HSPB6: variants seen among roughly 807,000 people sequenced by gnomAD.
The protein encoded by HSPB6 is heat shock protein beta-6.
Under a neutral mutation model 10.7 loss-of-function variants are expected in HSPB6, and 8 were observed. That is an observed-to-expected ratio of 0.75 (90% CI 0.44 to 1.35). The LOEUF is 1.35. HSPB6 is among the 40% of genes most tolerant of loss of function. The probability of loss-of-function intolerance (pLI) is 0.00; values close to 1 mark genes in which losing one functional copy is unlikely to be tolerated. For synonymous variants in HSPB6, 128 were observed against 114.2 expected (o/e 1.12, Z -0.77); for missense variants, 232 against 236.0 (o/e 0.98, Z 0.11).
At position 35,756,901 on chromosome 19, in the gene HSPB6, C is replaced by G; in HGVS notation, c.108G>C (p.Gly36=). The change falls in exon 1 of 3, where the codon GGG becomes GGC. Residue 36 remains glycine, a synonymous_variant. Coordinates refer to ENST00000004982, the MANE Select transcript of HSPB6 (RefSeq NM_144617.3). ...GRLFDQRFGE[G]LLEAELAALC... Reference sequence around the variant, plus strand: ...GCGCAGCCAGCTCGGCCTCCAGCAGCCCCTCGCCGAAGCGCTGGTCAAAGA... The same window carrying G: ...GCGCAGCCAGCTCGGCCTCCAGCAGGCCCTCGCCGAAGCGCTGGTCAAAGA... The G allele has an allele frequency of 1.9e-6, 3 of 1,539,232 alleles. No individual in the cohort carries two copies. Among genetic ancestry groups the G allele is most frequent in the Non-Finnish European group, 2.6e-6 (3 of 1,145,968 alleles).
At position 35,755,603 on chromosome 19, in the gene HSPB6, G is replaced by T. The variant is rs763290046; in HGVS notation, c.402C>A (p.Ser134=). ...PPGVDPAAVT[S]ALSPEGVLSI... ...ACAGGACGCCCTCGGGGGACAGCGC[G>T]GACGTCACGGCAGCCGGATCCACGC... Residue 134 remains serine (S), a synonymous_variant, in exon 3 of 3, where the codon TCC becomes TCA. Transcript: ENST00000004982. The T allele has an allele frequency of 2.6e-6, 4 of 1,533,050 alleles. No individual in the cohort carries two copies. Among genetic ancestry groups the T allele is most frequent in the Non-Finnish European group, 2.6e-6 (3 of 1,144,716 alleles). The allele number at this position is 1,533,050 out of a possible 1,614,324, so 95.0% of individuals were successfully genotyped here. A position where few individuals can be genotyped will look rare whatever the true frequency, so the allele number is the denominator to read the frequency against.
rs750533067 is a variant in HSPB6, at chr19:35,755,839, G to C, written c.254C>G (p.Pro85Arg). ...SVLLDVKHFS[P>R]EEIAVKVVGE... ...CACCACCTTGACAGCAATTTCCTCC[G>C]GCGAGAAGTGCTTCACGTCTAGCAG... The change falls in exon 2 of 3, where the codon CCG becomes CGG. Residue 85 changes from proline to arginine, a missense_variant. Pro to Arg is a moderately radical substitution (Grantham distance 103). Coordinates refer to ENST00000004982, the MANE Select transcript of HSPB6 (RefSeq NM_144617.3). 2.5e-6 allele frequency: 4 copies of C among 1,593,810 alleles called. No individual in the cohort carries two copies. The highest frequency in any genetic ancestry group is 3.4e-6 in the Non-Finnish European group (4 of 1,171,364).
At position 35,754,610 on chromosome 19, in the gene HSPB6, A is replaced by G; in HGVS notation, c.*912T>C. The G allele has an allele frequency of 1.3e-6, 1 of 793,152 alleles. No individual in the cohort carries two copies. The highest frequency in any genetic ancestry group is 2.1e-6 in the Non-Finnish European group (1 of 476,436). 49.1% of individuals were successfully genotyped at this position (793,152 alleles called of 1,614,324 possible). On this transcript the variant is annotated 3_prime_UTR_variant, in exon 3 of 3. Transcript: ENST00000004982. ...TTTATTGGGAGAGTAAGCCTGGGAA[A>G]GACTAAGGGAGTGGTGGCAGGGAGA...
Position 35,755,526 on chromosome 19 carries a change from T to C in HSPB6, c.479A>G (p.Lys160Arg). 4 of 1,267,674 alleles carry C rather than the reference T, an allele frequency of 3.2e-6. No homozygotes were observed. The highest frequency in any genetic ancestry group is 1.6e-5 in the African/African-American group (1 of 63,772). 78.5% of individuals were successfully genotyped at this position (1,267,674 alleles called of 1,614,324 possible). Residue 160 changes from lysine (K) to arginine (R), a missense_variant, in exon 3 of 3, where the codon AAG (lysine) becomes AGG (arginine). Coordinates refer to ENST00000004982, the MANE Select transcript of HSPB6 (RefSeq NM_144617.3). ...CGGGCGCGGCCCAGCCCCCTCCTAC[T>C]TGGCTGCGGCTGGCGGTGGGGCCTG... ...SAQAPPPAAA[K>R]
In HSPB6 at chr19:35,755,604, G is replaced by A. The variant is rs1970742663; in HGVS notation, c.401C>T (p.Ser134Phe). The A allele has an allele frequency of 6.5e-7, 1 of 1,533,408 alleles. No individual in the cohort carries two copies. Among genetic ancestry groups the A allele is most frequent in the African/African-American group, 1.4e-5 (1 of 72,346 alleles). 95.0% of individuals were successfully genotyped at this position (1,533,408 alleles called of 1,614,324 possible). The change falls in exon 3 of 3, where the codon TCC becomes TTC. Residue 134 changes from serine to phenylalanine, a missense_variant. By Grantham distance (155) the Ser-to-Phe change is radical. Coordinates refer to ENST00000004982, the MANE Select transcript of HSPB6 (RefSeq NM_144617.3). ...CAGGACGCCCTCGGGGGACAGCGCG[G>A]ACGTCACGGCAGCCGGATCCACGCC... ...PPGVDPAAVTSALSPEGVLSI... is the reference protein window; with the variant it reads ...PPGVDPAAVTFALSPEGVLSI...
chr19:35,756,693 T>C, intron 1 of HSPB6, 118 bp downstream of exon 1: 1 of 1,032,612 alleles, frequency 9.7e-7, no homozygotes, highest in Non-Finnish European at 1.4e-6. Flanking sequence ...CCTTCGGAGC[T>C]GCGGACTCTC....
At position 35,755,883 on chromosome 19, in the gene HSPB6, G is replaced by C; in HGVS notation, c.210C>G (p.Asp70Glu). 6.4e-7 allele frequency: 1 copy of C among 1,570,014 alleles called. No individual in the cohort carries two copies. The highest frequency in any genetic ancestry group is 8.6e-7 in the Non-Finnish European group (1 of 1,159,054). Residue 70 changes from aspartate (D) to glutamate (E), a missense_variant, in exon 2 of 3, where the codon GAC (aspartate) becomes GAG (glutamate). Physicochemically the swap from Asp to Glu is conservative, Grantham distance 45. Coordinates refer to ENST00000004982, the MANE Select transcript of HSPB6 (RefSeq NM_144617.3). ...CTAGCAGCACCGAAAAGTGGCCGGG[G>C]TCCGTCGGCACCTGAGCGCAGCGGG... The part of the protein sequence containing the change: ...VALPVAQVPT[D>E]PGHFSVLLDV...
intron 2 of HSPB6, 22 bp downstream of exon 2, chr19:35,755,750 C>T: frequency 1.3e-6 from 2 of 1,557,882 alleles, no homozygotes; most frequent in Non-Finnish European, 1.7e-6. Context: ...CCGCTCCAGC[C>T]CCGCCCCACG....
Position 35,755,467 on chromosome 19 carries a change from T to G in HSPB6, c.*55A>C. 2 of 1,502,264 alleles carry G rather than the reference T, an allele frequency of 1.3e-6. No homozygotes were observed. The highest frequency in any genetic ancestry group is 1.8e-6 in the Non-Finnish European group (2 of 1,120,530). 93.1% of individuals were successfully genotyped at this position (1,502,264 alleles called of 1,614,324 possible). ...CTGGCTGGGCGGAGTCAGATCGGCTTTAATAGAGGGAGCCTGAGGAGGCTC... is the reference window on the plus strand; with the variant it reads ...CTGGCTGGGCGGAGTCAGATCGGCTGTAATAGAGGGAGCCTGAGGAGGCTC... On this transcript the variant is annotated 3_prime_UTR_variant, in exon 3 of 3. Coordinates refer to ENST00000004982, the MANE Select transcript of HSPB6 (RefSeq NM_144617.3).
In HSPB6 at chr19:35,755,611, C is replaced by T. The variant is rs1190912894; in HGVS notation, c.394G>A (p.Val132Met). 2.0e-6 allele frequency: 3 copies of T among 1,533,126 alleles called. No homozygotes were observed. The highest frequency in any genetic ancestry group is 2.6e-6 in the Non-Finnish European group (3 of 1,144,756). The allele number at this position is 1,533,126 out of a possible 1,614,324, so 95.0% of individuals were successfully genotyped here. Reference protein sequence around the residue: ...RLPPGVDPAAVTSALSPEGVL... With the variant: ...RLPPGVDPAAMTSALSPEGVL... ...CCCTCGGGGGACAGCGCGGACGTCACGGCAGCCGGATCCACGCCAGGCGGC... is the reference window on the plus strand; with the variant it reads ...CCCTCGGGGGACAGCGCGGACGTCATGGCAGCCGGATCCACGCCAGGCGGC... Residue 132 changes from valine to methionine, a missense_variant, in exon 3 of 3, where the codon GTG becomes ATG. Val to Met is a conservative substitution (Grantham distance 21). Coordinates refer to ENST00000004982, the MANE Select transcript of HSPB6 (RefSeq NM_144617.3).
Position 35,755,509 on chromosome 19 carries a change from GCCCA to G in HSPB6, c.*9_*12del. Reference sequence around the variant, plus strand: ...AGGAGGCTCCCGGGGTGCGGGCGCGGCCCAGCCCCCTCCTACTTGGCTGCGGCTG... The same window carrying G: ...AGGAGGCTCCCGGGGTGCGGGCGCGGGCCCCCTCCTACTTGGCTGCGGCTG... On this transcript the variant is annotated 3_prime_UTR_variant, in exon 3 of 3. Coordinates refer to ENST00000004982, the MANE Select transcript of HSPB6 (RefSeq NM_144617.3). The G allele has an allele frequency of 6.6e-7, 1 of 1,507,734 alleles. No homozygotes were observed. Among genetic ancestry groups the G allele is most frequent in the Non-Finnish European group, 8.8e-7 (1 of 1,131,400 alleles). 93.4% of individuals were successfully genotyped at this position (1,507,734 alleles called of 1,614,324 possible). A position where few individuals can be genotyped will look rare whatever the true frequency, so the allele number is the denominator to read the frequency against.
At position 35,755,652 on chromosome 19, in the gene HSPB6, T is replaced by G. The variant is rs766960430; in HGVS notation, c.353A>C (p.His118Pro). The change falls in exon 3 of 3, where the codon CAC becomes CCC. Residue 118 changes from histidine to proline, a missense_variant. Coordinates refer to ENST00000004982, the MANE Select transcript of HSPB6 (RefSeq NM_144617.3). The part of the protein sequence containing the change: ...DEHGFVAREF[H>P]RRYRLPPGVD... Reference sequence around the variant, plus strand: ...GCCAGGCGGCAGGCGGTAGCGACGGTGGAACTCGCGCGCGACGAATCCGTG... The same window carrying G: ...GCCAGGCGGCAGGCGGTAGCGACGGGGGAACTCGCGCGCGACGAATCCGTG... 6.5e-7 allele frequency: 1 copy of G among 1,534,004 alleles called. No individual in the cohort carries two copies. The highest frequency in any genetic ancestry group is 1.2e-5 in the South Asian group (1 of 83,240).
Position 35,756,921 on chromosome 19 carries a change from CA to C in HSPB6, c.87del (p.Phe29LeufsTer50). On this transcript the variant is annotated frameshift_variant, in exon 1 of 3. Transcript: ENST00000004982. LOFTEE classifies it high-confidence loss of function. ...LPGLSAPGRL[F>X]DQRFGEGLLE... ...AGCAGCCCCTCGCCGAAGCGCTGGT[CA>C]AAGAGGCGTCCGGGCGCCGAAAGTC... 6.5e-7 allele frequency: 1 copy of C among 1,541,730 alleles called. No homozygotes were observed. The highest frequency in any genetic ancestry group is 2.1e-4 in the Middle Eastern group (1 of 4,796).
Position 35,754,740 on chromosome 19 carries a change from C to G in HSPB6, c.*782G>C. 2.0e-6 allele frequency: 1 copy of G among 500,514 alleles called. No individual in the cohort carries two copies. Among genetic ancestry groups the G allele is most frequent in the Non-Finnish European group, 3.6e-6 (1 of 281,148 alleles). 31.0% of individuals were successfully genotyped at this position (500,514 alleles called of 1,614,324 possible). On this transcript the variant is annotated 3_prime_UTR_variant, in exon 3 of 3. Coordinates refer to ENST00000004982, the MANE Select transcript of HSPB6 (RefSeq NM_144617.3). Reference sequence around the variant, plus strand: ...GATATCTGGTTGAAGACTTGGGGGTCAAGACAAAGGGACTTAGGGGGATGG... The same window carrying G: ...GATATCTGGTTGAAGACTTGGGGGTGAAGACAAAGGGACTTAGGGGGATGG...
Position 35,756,862 on chromosome 19 carries a change from C to T in HSPB6, c.147G>A (p.Thr49=), listed in dbSNP as rs1370409291. The change falls in exon 1 of 3, where the codon ACG becomes ACA. Residue 49 remains threonine (T), a synonymous_variant. Transcript: ENST00000004982. The stretch of plus-strand genomic sequence containing the variant: ...GTGCGCGCAGGTAGTAGGGGGCGAG[C>T]GTGGTGGGGCAGAGCGCAGCCAGCT... ...EAELAALCPT[T]LAPYYLRAPS... 2 of 1,537,316 alleles carry T rather than the reference C, an allele frequency of 1.3e-6. No individual in the cohort carries two copies. Among genetic ancestry groups the T allele is most frequent in the Admixed American group, 2.0e-5 (1 of 50,912 alleles).
At position 35,754,761 on chromosome 19, in the gene HSPB6, G is replaced by T; in HGVS notation, c.*761C>A. The T allele has an allele frequency of 2.0e-6, 1 of 502,716 alleles. No homozygotes were observed. Among genetic ancestry groups the T allele is most frequent in the Non-Finnish European group, 3.6e-6 (1 of 275,910 alleles). The allele number at this position is 502,716 out of a possible 1,614,324, so 31.1% of individuals were successfully genotyped here. A position where few individuals can be genotyped will look rare whatever the true frequency, so the allele number is the denominator to read the frequency against. On this transcript the variant is annotated 3_prime_UTR_variant, in exon 3 of 3. Coordinates refer to ENST00000004982, the MANE Select transcript of HSPB6 (RefSeq NM_144617.3). Reference sequence around the variant, plus strand: ...GGGTCAAGACAAAGGGACTTAGGGGGATGGGGTCTGGTTAGAGTTGGGGAG... The same window carrying T: ...GGGTCAAGACAAAGGGACTTAGGGGTATGGGGTCTGGTTAGAGTTGGGGAG...
At position 35,755,485 on chromosome 19, in the gene HSPB6, G is replaced by A; in HGVS notation, c.*37C>T. ...ATCGGCTTTAATAGAGGGAGCCTGA[G>A]GAGGCTCCCGGGGTGCGGGCGCGGC... On this transcript the variant is annotated 3_prime_UTR_variant, in exon 3 of 3. Transcript: ENST00000004982. The A allele has an allele frequency of 6.6e-7, 1 of 1,514,536 alleles. No homozygotes were observed. The allele number at this position is 1,514,536 out of a possible 1,614,324, so 93.8% of individuals were successfully genotyped here.
At chr19:35,755,989 G>C (rs891318195) in intron 1 of HSPB6, 95 bp from the exon 2 acceptor site, 1 of 1,477,138 alleles carries the variant, frequency 6.8e-7, no homozygotes, top group Non-Finnish European at 9.0e-7. Context: ...TCCGTGCCGC[G>C]GCTCACTCTG....
intron 1 of HSPB6, 96 bp from the exon 2 acceptor site, chr19:35,755,990 G>C (rs1158977852): frequency 5.4e-6 from 8 of 1,476,078 alleles, no homozygotes; most frequent in Admixed American, 4.3e-5. Context: ...CCGTGCCGCG[G>C]CTCACTCTGG....
Sources: allele counts gnomAD v4.1 joint callset, GRCh38; gene constraint gnomAD v4.1.1; transcripts MANE v1.5; gene names NCBI Gene and HGNC (gene_info 2026-07-23, HGNC 2026-07-21).